The following SESTD1 variants were observed in gnomAD, a reference collection of about 807,000 sequenced individuals.
SESTD1 encodes the protein SEC14 domain and spectrin repeat-containing protein 1.
A neutral mutation model predicts 101.7 loss-of-function variants in SESTD1; 43 were observed. The ratio of observed to expected loss-of-function variants is 0.42; its 90% CI spans 0.33 to 0.55. The LOEUF is 0.55. Ranked by LOEUF, SESTD1 falls within the 20% of genes least tolerant of loss-of-function variation. SESTD1 has a pLI of 0.07. For synonymous variants in SESTD1, 283 were observed against 286.8 expected, an observed-to-expected ratio of 0.99 and a Z score of 0.13; for missense variants, 647 against 815.1, an observed-to-expected ratio of 0.79 and a Z score of 2.51.
intron 6 of SESTD1, among the ~76,000 whole-genome samples, chr2:179,150,715 G>A (rs1559115477): frequency 6.6e-6 from 1 of 152,098 alleles, no homozygotes. Context: ...AGCTACTCAC[G>A]AGGCTGAGGC....
chr2:179,150,888 C>T (rs925987434), intron 6 of SESTD1, among the ~76,000 whole-genome samples: 3 of 152,164 alleles, frequency 2.0e-5, no homozygotes, highest in South Asian at 2.1e-4. Flanking sequence ...ACTGATGCTA[C>T]TAATGACAGA....
intron 5 of SESTD1, among the ~76,000 whole-genome samples, chr2:179,160,328 C>T (rs2045711309): frequency 6.6e-6 from 1 of 152,094 alleles, no homozygotes; most frequent in East Asian, 1.9e-4. Context: ...GACACAATTG[C>T]TGAAAATTCT....
In SESTD1 at chr2:179,113,114, T is replaced by C. The variant is rs375850912; in HGVS notation, c.1840-269A>G. On this transcript the variant is annotated intron_variant, in intron 16 of 17. Transcript: ENST00000428443. The stretch of plus-strand genomic sequence containing the variant: ...ATAATTCCTACTAACAATATGGTGA[T>C]TTCCAAGAAAGAAAATAACTAGACT... 3.6e-4 allele frequency among the ~76,000 whole-genome samples: 55 copies of C among 152,316 alleles called. No homozygotes were observed. In the South Asian group the frequency reaches 0.011, roughly 29 times the overall value.
At chr2:179,231,720 A>T (rs2046991178) in intron 1 of SESTD1, among the ~76,000 whole-genome samples, 1 of 81,290 alleles carries the variant, frequency 1.2e-5, no homozygotes, top group Non-Finnish European at 2.5e-5. Context: ...CAAAAAGCTA[A>T]AAAAAAAAAA....
At chr2:179,198,116 T>C (rs991220645) in intron 1 of SESTD1, among the ~76,000 whole-genome samples, 2 of 152,046 alleles carry the variant, frequency 1.3e-5, no homozygotes, top group Non-Finnish European at 2.9e-5. Flanking sequence ...TGGAGGAAGA[T>C]CTACCAAGCA....
chr2:179,199,953 G>C (rs959980770), intron 1 of SESTD1, among the ~76,000 whole-genome samples: 3 of 151,972 alleles, frequency 2.0e-5, no homozygotes, highest in Admixed American at 6.6e-5. Context: ...GGAAATAAAG[G>C]GTATTCAATT....
rs113531681 is a variant in SESTD1 at position 179,109,887 on chromosome 2, A to G, written c.*12T>C. ...GATTATGAACTGCAAATCTGTAGGTAGCTGGTAGCTATTAGCTCTCTGTGG... is the reference window on the plus strand; with the variant it reads ...GATTATGAACTGCAAATCTGTAGGTGGCTGGTAGCTATTAGCTCTCTGTGG... On this transcript the variant is annotated 3_prime_UTR_variant, in exon 18 of 18. Transcript: ENST00000428443. 1.9e-6 allele frequency: 3 copies of G among 1,613,168 alleles called. No individual in the cohort carries two copies. In the South Asian group the frequency reaches 3.3e-5, roughly 18 times the overall value.
chr2:179,137,595 C>T (rs950267542), intron 9 of SESTD1, among the ~76,000 whole-genome samples: 17 of 152,190 alleles, frequency 1.1e-4, no homozygotes, highest in African/African-American at 4.1e-4. Context: ...GCACTGTGTG[C>T]TATCCAGAAG....
chr2:179,178,440 G>A (rs2046049090), intron 3 of SESTD1, among the ~76,000 whole-genome samples: 1 of 152,138 alleles, frequency 6.6e-6, no homozygotes. Context: ...AGGCCAGCAT[G>A]GGAGACCAGC....
chr2:179,245,668 C>T (rs1295016907), intron 1 of SESTD1, among the ~76,000 whole-genome samples: 1 of 151,672 alleles, frequency 6.6e-6, no homozygotes, highest in East Asian at 1.9e-4. Flanking sequence ...GCCTGGGCAA[C>T]AGAGTGAGAC....
intron 9 of SESTD1, among the ~76,000 whole-genome samples, chr2:179,134,278 C>T (rs1559106255): frequency 2.6e-5 from 4 of 152,266 alleles, no homozygotes; most frequent in Non-Finnish European, 5.9e-5. Flanking sequence ...GTTTTCATCC[C>T]GTTTTTCACT....
intron 8 of SESTD1, 140 bp from the exon 9 acceptor site, chr2:179,143,943 G>C: frequency 1.2e-6 from 1 of 804,830 alleles, no homozygotes; most frequent in Non-Finnish European, 1.9e-6. Context: ...ATTTAAAAAT[G>C]TATGTATCAC....
At position 179,104,902 on chromosome 2, in the gene SESTD1, G is replaced by A. The variant is rs192769117; in HGVS notation, c.*4997C>T. 1 of 152,138 alleles carries A rather than the reference G, an allele frequency of 6.6e-6. No homozygotes were observed. The highest frequency in any genetic ancestry group is 6.6e-5 in the Admixed American group (1 of 15,262). 9.4% of individuals were successfully genotyped at this position (152,138 alleles called of 1,614,324 possible). On this transcript the variant is annotated 3_prime_UTR_variant, in exon 18 of 18. Transcript: ENST00000428443. ...TCTAGTACAGGTTCTGCTTTTTCTT[G>A]AAGTAGAGGGACTAGTGTTTATTCT...
rs139468614 is a variant in SESTD1 at position 179,109,073 on chromosome 2, A to C, written c.*826T>G. The C allele has an allele frequency of 1.3e-5, 2 of 152,694 alleles. No homozygotes were observed. The highest frequency in any genetic ancestry group is 2.9e-5 in the Non-Finnish European group (2 of 67,996). 9.5% of individuals were successfully genotyped at this position (152,694 alleles called of 1,614,324 possible). ...TCAAGTTGAAAAAGAGAAAAATTAG[A>C]AATAGTATTCCATTATTAATAAGTT... is the stretch of plus-strand genomic sequence containing the variant. On this transcript the variant is annotated 3_prime_UTR_variant, in exon 18 of 18. Transcript: ENST00000428443.
At chr2:179,170,072 C>T (rs75890348) in intron 5 of SESTD1, among the ~76,000 whole-genome samples, 9,124 of 151,048 alleles carry the variant, frequency 0.06, 395 homozygotes, top group Non-Finnish European at 0.09. Context: ...AATTTAATGA[C>T]TAAAACTATA....
chr2:179,225,673 G>C (rs934572902), intron 1 of SESTD1, among the ~76,000 whole-genome samples: 2 of 152,120 alleles, frequency 1.3e-5, no homozygotes, highest in Admixed American at 6.5e-5. Flanking sequence ...TATCGTCTAG[G>C]TGTCCTCACA....
At chr2:179,160,393 A>T (rs138992680) in intron 5 of SESTD1, among the ~76,000 whole-genome samples, 12 of 152,272 alleles carry the variant, frequency 7.9e-5, no homozygotes, top group South Asian at 2.1e-4. Flanking sequence ...CAGTGAAGTG[A>T]TTAATGAGTA....
rs1487588600 is a variant in SESTD1, at chr2:179,105,386, C to T, written c.*4513G>A. 6.6e-6 allele frequency: 1 copy of T among 152,070 alleles called. No homozygotes were observed. Among genetic ancestry groups the T allele is most frequent in the East Asian group, 1.9e-4 (1 of 5,190 alleles). 9.4% of individuals were successfully genotyped at this position (152,070 alleles called of 1,614,324 possible). A position where few individuals can be genotyped will look rare whatever the true frequency, so the allele number is the denominator to read the frequency against. On this transcript the variant is annotated 3_prime_UTR_variant, in exon 18 of 18. Transcript: ENST00000428443. Reference sequence around the variant, plus strand: ...GTCTTCCATCTTGCTGTTCTATTATCTTCCTACAAAAATAGCTAATTTGTC... The same window carrying T: ...GTCTTCCATCTTGCTGTTCTATTATTTTCCTACAAAAATAGCTAATTTGTC...
intron 5 of SESTD1, among the ~76,000 whole-genome samples, chr2:179,170,246 T>C (rs2045907676): frequency 6.7e-6 from 1 of 149,628 alleles, no homozygotes; most frequent in South Asian, 2.1e-4. Context: ...GACTTCATCA[T>C]AGTTAAAAAA....
Sources: gnomAD v4.1 joint callset for allele counts (sites outside exome capture counted in the v4.1 genomes callset) on GRCh38, gnomAD v4.1.1 for gene constraint, MANE v1.5 for transcripts, NCBI Gene and HGNC (gene_info 2026-07-23, HGNC 2026-07-21) for gene names.